Variants in WDR45B observed in about 807,000 individuals in gnomAD.
WDR45B encodes WD repeat domain 45B, also known as WD repeat domain phosphoinositide-interacting protein 3.
Under a neutral mutation model 44.6 loss-of-function variants are expected in WDR45B, and 20 were observed. That is an observed-to-expected ratio of 0.45 (90% CI 0.32 to 0.65). WDR45B has a LOEUF of 0.65. Among genes scored for constraint, WDR45B ranks in the 30% least tolerant of loss-of-function variants. The probability of loss-of-function intolerance (pLI) is 0.05; values close to 1 mark genes in which losing one functional copy is unlikely to be tolerated. For synonymous variants in WDR45B, 169 were observed against 164.9 expected, an observed-to-expected ratio of 1.02 and a Z score of -0.19; for missense variants, 323 against 430.2, an observed-to-expected ratio of 0.75 and a Z score of 2.20.
intron 2 of WDR45B, among the ~76,000 whole-genome samples, chr17:82,643,537 G>C (rs2045942255): frequency 6.6e-6 from 1 of 152,042 alleles, no homozygotes; most frequent in South Asian, 2.1e-4. Flanking sequence ...AACGTACACA[G>C]CATGGATGCA....
rs1292058940 is a variant in WDR45B, at chr17:82,631,583, C to A, written c.143-561G>T. On this transcript the variant is annotated intron_variant, in intron 2 of 9. Coordinates refer to ENST00000392325, the MANE Select transcript of WDR45B (RefSeq NM_019613.4). ...TACAGACATGAGCCACTGTGCCCGG[C>A]CTACAGGACTCATTTTTAATCAGCA... 8.9e-5 allele frequency among the ~76,000 whole-genome samples: 5 copies of A among 56,134 alleles called. 1 individual carries two copies. Among genetic ancestry groups the A allele is most frequent in the African/African-American group, 3.3e-4 (3 of 9,064 alleles). 36.8% of individuals were successfully genotyped at this position (56,134 alleles called of 152,430 possible).
intron 2 of WDR45B, among the ~76,000 whole-genome samples, chr17:82,640,301 A>C (rs11655850): frequency 0.45 from 68,101 of 151,778 alleles, 15,415 homozygotes; most frequent in East Asian, 0.54. Flanking sequence ...AACTGCTACA[A>C]TTAAAAAGGA....
At chr17:82,643,711 C>T (rs562950824) in intron 2 of WDR45B, among the ~76,000 whole-genome samples, 3 of 152,238 alleles carry the variant, frequency 2.0e-5, no homozygotes, top group East Asian at 3.9e-4. Flanking sequence ...TCATGCTGAT[C>T]GATAATTCAC....
intron 2 of WDR45B, among the ~76,000 whole-genome samples, chr17:82,631,600 TAA>T (rs2045769172): frequency 7.2e-6 from 1 of 138,918 alleles, no homozygotes; most frequent in African/African-American, 2.8e-5. Flanking sequence ...GACTCATTTT[TAA>T]TCAGCAATTT....
At chr17:82,637,979 G>A (rs1390188462) in intron 2 of WDR45B, among the ~76,000 whole-genome samples, 1 of 151,062 alleles carries the variant, frequency 6.6e-6, no homozygotes, top group Non-Finnish European at 1.5e-5. Context: ...TTCGAGACCA[G>A]CCTGGTCAAC....
intron 2 of WDR45B, among the ~76,000 whole-genome samples, chr17:82,634,187 T>G (rs779130629): frequency 8.8e-5 from 11 of 125,660 alleles, no homozygotes; most frequent in Admixed American, 1.7e-4. Flanking sequence ...CTGATTTTTA[T>G]AAATCAAAAA....
intron 4 of WDR45B, chr17:82,625,848 A>C (rs1598265539): frequency 6.5e-6 from 2 of 307,584 alleles, no homozygotes; most frequent in Non-Finnish European, 6.3e-6. Context: ...TGAAAGTAGA[A>C]TATCCTCGAT....
chr17:82,643,870 T>C, intron 2 of WDR45B, 79 bp downstream of exon 2: 2 of 1,397,456 alleles, frequency 1.4e-6, no homozygotes, highest in Non-Finnish European at 2.0e-6. Context: ...ATCCCTTCCC[T>C]GCTCCACCTG....
intron 2 of WDR45B, among the ~76,000 whole-genome samples, chr17:82,641,716 G>A (rs1465366906): frequency 6.6e-6 from 1 of 152,156 alleles, no homozygotes; most frequent in Admixed American, 6.5e-5. Flanking sequence ...CTAACACAGT[G>A]AAACACCGTC....
Position 82,621,591 on chromosome 17 carries a change from G to C in WDR45B, c.618+18C>G. On this transcript the variant is annotated intron_variant, in intron 6 of 9. Coordinates refer to ENST00000392325, the MANE Select transcript of WDR45B (RefSeq NM_019613.4). ...GCTCCAGGAGGCACAACACCAACAA[G>C]GTGAGTGGCACACTTACTTTCTCGG... 6.2e-7 allele frequency: 1 copy of C among 1,613,970 alleles called. No homozygotes were observed. Among genetic ancestry groups the C allele is most frequent in the East Asian group, 2.2e-5 (1 of 44,888 alleles).
chr17:82,640,409 G>A (rs2045898919), intron 2 of WDR45B, among the ~76,000 whole-genome samples: 1 of 150,918 alleles, frequency 6.6e-6, no homozygotes, highest in African/African-American at 2.4e-5. Flanking sequence ...GCAGTGCAGT[G>A]GCGAGATCTC....
In WDR45B at chr17:82,615,820, C is replaced by G; in HGVS notation, c.*99G>C. 9.1e-7 allele frequency: 1 copy of G among 1,097,694 alleles called. No individual in the cohort carries two copies. Among genetic ancestry groups the G allele is most frequent in the Non-Finnish European group, 1.4e-6 (1 of 716,708 alleles). 68.0% of individuals were successfully genotyped at this position (1,097,694 alleles called of 1,614,324 possible). A position where few individuals can be genotyped will look rare whatever the true frequency, so the allele number is the denominator to read the frequency against. On this transcript the variant is annotated 3_prime_UTR_variant, in exon 10 of 10. Coordinates refer to ENST00000392325, the MANE Select transcript of WDR45B (RefSeq NM_019613.4). ...TTCGAGACCAAGGTCCCTGGGCAGC[C>G]CCTCCAGCCCGTGGCCCAGGAGGCC...
chr17:82,622,084 C>T (rs1390057615), intron 5 of WDR45B, among the ~76,000 whole-genome samples: 3 of 152,032 alleles, frequency 2.0e-5, no homozygotes, highest in Admixed American at 6.6e-5. Context: ...GCAAAATTAA[C>T]GACTTTACCA....
intron 2 of WDR45B, among the ~76,000 whole-genome samples, chr17:82,637,285 G>C (rs1213339894): frequency 6.6e-6 from 1 of 151,946 alleles, no homozygotes; most frequent in Non-Finnish European, 1.5e-5. Context: ...AGGTTGCGTA[G>C]GACACAAAAC....
chr17:82,630,275 C>T (rs1279401509), intron 3 of WDR45B, among the ~76,000 whole-genome samples: 1 of 152,026 alleles, frequency 6.6e-6, no homozygotes, highest in African/African-American at 2.4e-5. Context: ...CAAGCCTCCC[C>T]CAGATCTGCC....
At chr17:82,638,672 C>T (rs550835087) in intron 2 of WDR45B, among the ~76,000 whole-genome samples, 188 of 152,054 alleles carry the variant, frequency 1.2e-3, no homozygotes, top group Admixed American at 2.9e-3. Context: ...TTTATTTTTG[C>T]CTCTGTCATG....
At chr17:82,617,247 G>T (rs564326080) in intron 8 of WDR45B, 49 bp downstream of exon 8, 2 of 1,564,018 alleles carry the variant, frequency 1.3e-6, no homozygotes, top group African/African-American at 1.4e-5. Flanking sequence ...AAACACTGGG[G>T]ACTCCTCTCA....
At position 82,621,697 on chromosome 17, in the gene WDR45B, G is replaced by A. The variant is rs774765205; in HGVS notation, c.530C>T (p.Pro177Leu). ...CTCGTGTGCAGGAATGTCCACGGGT[G>A]GCTTCTCCGTGCTGGCCAGGTCCAC... ...QLVDLASTEK[P>L]PVDIPAHEGV... The change falls in exon 6 of 10, where the codon CCA (proline) becomes CTA (leucine). Residue 177 changes from proline (P) to leucine (L), a missense_variant. By Grantham distance (98) the Pro-to-Leu change is moderately conservative. Transcript: ENST00000392325. 3 of 1,614,170 alleles carry A rather than the reference G, an allele frequency of 1.9e-6. No homozygotes were observed. The highest frequency in any genetic ancestry group is 1.7e-6 in the Non-Finnish European group (2 of 1,180,022).
intron 2 of WDR45B, among the ~76,000 whole-genome samples, chr17:82,632,309 A>G (rs898449418): frequency 6.6e-6 from 1 of 151,938 alleles, no homozygotes; most frequent in African/African-American, 2.4e-5. Flanking sequence ...CTACAGGCAC[A>G]CATCACCGCG....
Sources: allele counts gnomAD v4.1 joint callset (sites outside exome capture counted in the v4.1 genomes callset), GRCh38; gene constraint gnomAD v4.1.1; transcripts MANE v1.5; gene names NCBI Gene and HGNC (gene_info 2026-07-23, HGNC 2026-07-21).